The following GALNT15 variants were observed in gnomAD, a reference collection of about 807,000 sequenced individuals.
GALNT15 encodes polypeptide N-acetylgalactosaminyltransferase 15, also known as UDP-GalNAc transferase T15.
GALNT15 carries 67 observed loss-of-function variants against 66.8 expected under a neutral mutation model. The ratio of observed to expected loss-of-function variants is 1.00; its 90% CI spans 0.82 to 1.23. The LOEUF (loss-of-function observed/expected upper bound fraction) is 1.23, where lower values mean the gene tolerates loss of function less well. Among genes scored for constraint, GALNT15 ranks in the 50% most tolerant of loss-of-function variants. The probability of loss-of-function intolerance (pLI) is 0.00; values close to 1 mark genes in which losing one functional copy is unlikely to be tolerated. For missense variants in GALNT15, 827 were observed against 804.3 expected, an observed-to-expected ratio of 1.03 and a Z score of -0.34; for synonymous variants, 313 against 311.5, an observed-to-expected ratio of 1.00 and a Z score of -0.05.
chr3:16,201,163 TTTTTTTC>T (rs1252163666), intron 3 of GALNT15, among the ~76,000 whole-genome samples: 3 of 135,444 alleles, frequency 2.2e-5, no homozygotes, highest in African/African-American at 9.0e-5. Context: ...TTTGGCAATT[TTTTTTTC>T]TTTTTCTTTT....
Position 16,182,432 on chromosome 3 carries a change from T to C in GALNT15, c.539+6742T>C, listed in dbSNP as rs1253255828. Among the ~76,000 whole-genome samples the C allele has an allele frequency of 2.0e-5, 3 of 152,228 alleles. No homozygotes were observed. Among genetic ancestry groups the C allele is most frequent in the African/African-American group, 7.2e-5 (3 of 41,458 alleles). ...CTGAGGACCACTGCTTAGGCCACTTTAGGTGACTAAGAACAGAGATGCTCA... is the reference window on the plus strand; with the variant it reads ...CTGAGGACCACTGCTTAGGCCACTTCAGGTGACTAAGAACAGAGATGCTCA... On this transcript the variant is annotated intron_variant, in intron 1 of 9. Coordinates refer to ENST00000339732, the MANE Select transcript of GALNT15 (RefSeq NM_054110.5). The surrounding 1 kb of genome is among the most constrained non-coding windows in gnomAD (Gnocchi z 6.1).
rs763194843 is a variant in GALNT15, at chr3:16,189,454, C to T, written c.540-6306C>T. ...TGATTGTTATTCCCAGAATACCAGC[C>T]CAGTTCCTCTGCTATGTTGAAGGAC... On this transcript the variant is annotated intron_variant, in intron 1 of 9. Coordinates refer to ENST00000339732, the MANE Select transcript of GALNT15 (RefSeq NM_054110.5). This position sits in a 1 kb window ranked among gnomAD's most constrained non-coding sequence, Gnocchi z 5.1. 6.6e-6 allele frequency among the ~76,000 whole-genome samples: 1 copy of T among 152,166 alleles called. No individual in the cohort carries two copies. The highest frequency in any genetic ancestry group is 1.5e-5 in the Non-Finnish European group (1 of 68,028).
At chr3:16,213,050 G>C (rs1449473134) in intron 6 of GALNT15, among the ~76,000 whole-genome samples, 1 of 152,178 alleles carries the variant, frequency 6.6e-6, no homozygotes, top group African/African-American at 2.4e-5. Context: ...GGGAGGGGTT[G>C]GCACAGAGAA....
At chr3:16,235,761 G>A (rs1279804280), downstream of GALNT15, among the ~76,000 whole-genome samples, 2 of 152,132 alleles carry the variant, frequency 1.3e-5, no homozygotes, top group Non-Finnish European at 2.9e-5. Flanking sequence ...TCCCTGGACA[G>A]GACAAAGAGG....
chr3:16,232,218 C>T (rs902981754), downstream of GALNT15, among the ~76,000 whole-genome samples: 4 of 151,832 alleles, frequency 2.6e-5, no homozygotes, highest in Non-Finnish European at 5.9e-5. Context: ...CAGCACATTC[C>T]TCAGTAATTT....
chr3:16,199,850 A>AG (rs1005660062), intron 2 of GALNT15, among the ~76,000 whole-genome samples: 2 of 152,196 alleles, frequency 1.3e-5, no homozygotes, highest in Admixed American at 1.3e-4. Context: ...GCAAGTCTCC[A>AG]GGGAAGGGTT....
intron 8 of GALNT15, among the ~76,000 whole-genome samples, chr3:16,222,379 A>C (rs2063952186): frequency 6.6e-6 from 1 of 152,216 alleles, no homozygotes; most frequent in South Asian, 2.1e-4. Context: ...ACAGAGAAAC[A>C]TGCCAGAATG....
At chr3:16,232,909 C>G (rs975809237), downstream of GALNT15, among the ~76,000 whole-genome samples, 1 of 151,720 alleles carries the variant, frequency 6.6e-6, no homozygotes, top group Non-Finnish European at 1.5e-5. Flanking sequence ...GCTGATGCTG[C>G]TGGCCAGAGA....
intron 3 of GALNT15, among the ~76,000 whole-genome samples, chr3:16,206,994 C>T (rs2063764083): frequency 6.6e-6 from 1 of 152,182 alleles, no homozygotes; most frequent in Non-Finnish European, 1.5e-5. Flanking sequence ...TAGGTCAATA[C>T]AGGGTACCCC....
intron 1 of GALNT15, among the ~76,000 whole-genome samples, chr3:16,185,678 C>T (rs1450489276): frequency 4.6e-5 from 7 of 152,218 alleles, no homozygotes; most frequent in Non-Finnish European, 8.8e-5. Context: ...AACCTTCCAT[C>T]ATTGTCCCTT....
intron 2 of GALNT15, among the ~76,000 whole-genome samples, chr3:16,197,587 C>A (rs933614840): frequency 2.6e-4 from 39 of 152,154 alleles, no homozygotes; most frequent in Admixed American, 1.9e-3. Flanking sequence ...AAAGATGCTG[C>A]GGGTTGCCCT....
intron 4 of GALNT15, among the ~76,000 whole-genome samples, chr3:16,210,812 AC>A (rs1158537135): frequency 6.6e-6 from 1 of 152,162 alleles, no homozygotes; most frequent in Non-Finnish European, 1.5e-5. Flanking sequence ...TTCTTCCCAA[AC>A]ATCTTTCCAG....
intron 1 of GALNT15, among the ~76,000 whole-genome samples, chr3:16,177,061 C>A (rs751653842): frequency 1.3e-5 from 2 of 152,174 alleles, no homozygotes; most frequent in Non-Finnish European, 2.9e-5. Flanking sequence ...TAACTCACAG[C>A]ACTTACAAAA....
chr3:16,188,757 T>A lies in GALNT15; in HGVS notation c.540-7003T>A, dbSNP rs982305930. 9.2e-5 allele frequency among the ~76,000 whole-genome samples: 14 copies of A among 152,192 alleles called. 1 individual carries two copies. The highest frequency in any genetic ancestry group is 7.2e-4 in the Admixed American group (11 of 15,280). Reference sequence around the variant, plus strand: ...TTCTGGTCTACCCACCCCTCATTCCTTAGTGCCTGAAGCTCTGTAAGGTTG... The same window carrying A: ...TTCTGGTCTACCCACCCCTCATTCCATAGTGCCTGAAGCTCTGTAAGGTTG... On this transcript the variant is annotated intron_variant, in intron 1 of 9. Coordinates refer to ENST00000339732, the MANE Select transcript of GALNT15 (RefSeq NM_054110.5). This position sits in a 1 kb window ranked among gnomAD's most constrained non-coding sequence, Gnocchi z 4.6.
intron 2 of GALNT15, among the ~76,000 whole-genome samples, chr3:16,198,332 G>A (rs1333623847): frequency 1.5e-5 from 2 of 134,134 alleles, no homozygotes; most frequent in East Asian, 4.3e-4. Context: ...GCAGAGGCCA[G>A]TCCGGTTTGT....
downstream of GALNT15, among the ~76,000 whole-genome samples, chr3:16,233,555 T>A (rs2124916149): frequency 6.6e-6 from 1 of 152,308 alleles, no homozygotes; most frequent in East Asian, 1.9e-4. Flanking sequence ...TTGTCTGTGG[T>A]CATGTCGTCC....
At chr3:16,233,094 CTTTTTTTT>C (rs61516679), downstream of GALNT15, among the ~76,000 whole-genome samples, 3 of 61,208 alleles carry the variant, frequency 4.9e-5, 1 homozygote, top group South Asian at 8.1e-4. Context: ...GATAATGCAT[CTTTTTTTT>C]TTTTTTTTTT....
At chr3:16,177,301 T>C (rs2063420424) in intron 1 of GALNT15, among the ~76,000 whole-genome samples, 2 of 152,190 alleles carry the variant, frequency 1.3e-5, no homozygotes, top group Non-Finnish European at 2.9e-5. Flanking sequence ...TAAGAAATAA[T>C]ATTGCCTGAA....
At chr3:16,240,404 T>C in the GALNT15 span, among the ~76,000 whole-genome samples, 1 of 152,154 alleles carries the variant, frequency 6.6e-6, no homozygotes, top group African/African-American at 2.4e-5. Flanking sequence ...AATTGCAAAA[T>C]ATCATCTTCA....
Sources: gnomAD v4.1 joint callset for allele counts (sites outside exome capture counted in the v4.1 genomes callset) on GRCh38, gnomAD v4.1.1 for gene constraint, Gnocchi (gnomAD v3.1) non-coding constraint, MANE v1.5 for transcripts, NCBI Gene and HGNC (gene_info 2026-07-23, HGNC 2026-07-21) for gene names.